The following DLG5 variants were observed in gnomAD, a reference collection of about 807,000 sequenced individuals.
DLG5 encodes disks large homolog 5.
Under a neutral mutation model 189.8 loss-of-function variants are expected in DLG5, and 48 were observed. That is an observed-to-expected ratio of 0.25 (90% confidence interval 0.20 to 0.32). DLG5 has a LOEUF of 0.32. Ranked by LOEUF, DLG5 falls within the 10% of genes least tolerant of loss-of-function variation. The pLI is 1.00. For missense variants in DLG5, 2,160 were observed against 2,544.7 expected, an observed-to-expected ratio of 0.85 and a Z score of 3.25; for synonymous variants, 1,016 against 1,054.1, an observed-to-expected ratio of 0.96 and a Z score of 0.70.
intron 17 of DLG5, 118 bp from the exon 18 acceptor site, chr10:77,818,007 G>T: frequency 1.3e-6 from 1 of 795,668 alleles, no homozygotes; most frequent in Non-Finnish European, 2.0e-6. Flanking sequence ...AGGCCCAGGA[G>T]CCACTGATTA....
At chr10:77,822,210 G>A in intron 14 of DLG5, 109 bp from the exon 15 acceptor site, 4 of 1,261,170 alleles carry the variant, frequency 3.2e-6, no homozygotes, top group Non-Finnish European at 4.4e-6. Context: ...TGGGCCACCT[G>A]CCCCTTAAAA....
At position 77,809,793 on chromosome 10, in the gene DLG5, A is replaced by T. The variant is rs1841670302; in HGVS notation, c.4464-63T>A. On this transcript the variant is annotated intron_variant, in intron 23 of 31. Transcript: ENST00000372391. ...AAGAGGAGGCACAAAAAGACAAAGC[A>T]GTGGCCAATGCCCTAACCGCTTTCT... 3 of 1,550,400 alleles carry T rather than the reference A, an allele frequency of 1.9e-6. No homozygotes were observed. The Admixed American group carries it at 5.5e-5, about 28-fold the overall frequency.
the DLG5 span, among the ~76,000 whole-genome samples, chr10:77,935,654 C>T: frequency 2.0e-5 from 3 of 152,204 alleles, no homozygotes; most frequent in Non-Finnish European, 2.9e-5. Context: ...TGCATGTTAG[C>T]GCATGCGTGT....
the DLG5 span, among the ~76,000 whole-genome samples, chr10:77,939,518 T>G: frequency 2.6e-5 from 4 of 152,170 alleles, no homozygotes; most frequent in Non-Finnish European, 4.4e-5. Flanking sequence ...CTTTTCTCCA[T>G]GTAGCCATTG....
chr10:77,818,496 T>G (rs1568143106), intron 17 of DLG5, among the ~76,000 whole-genome samples: 1 of 152,222 alleles, frequency 6.6e-6, no homozygotes, highest in Non-Finnish European at 1.5e-5. Flanking sequence ...GTTTGTGCCC[T>G]GTGACCTCAA....
chr10:77,830,291 C>T lies in DLG5; in HGVS notation c.1935G>A (p.Glu645=), dbSNP rs1362733190. 10 of 1,614,200 alleles carry T rather than the reference C, an allele frequency of 6.2e-6. No homozygotes were observed. The South Asian group carries it at 7.7e-5, about 12-fold the overall frequency. ...TGCCACAGTCCCCCGGGAAACAAGG[C>T]TCATTCACACCTTCTGCCATATCAA... ...LGFDMAEGVN[E]PCFPGDCGIF... The change falls in exon 11 of 32, where the codon GAG becomes GAA. Residue 645 remains glutamate (E), a synonymous_variant. Coordinates refer to ENST00000372391, the MANE Select transcript of DLG5 (RefSeq NM_004747.4).
rs765630840 is a variant in DLG5 at position 77,853,526 on chromosome 10, C to T, written c.692G>A (p.Ser231Asn). Residue 231 changes from serine (S) to asparagine (N), a missense_variant, in exon 5 of 32, where the codon AGC becomes AAC. Around this residue, in one of 5 missense-constraint regions of DLG5, gnomAD observed 664 missense variants for 838.5 expected, o/e 0.79. Coordinates refer to ENST00000372391, the MANE Select transcript of DLG5 (RefSeq NM_004747.4). ...KETDFYHTLH[S>N]RLLSDQTRLK... Reference sequence around the variant, plus strand: ...CCGAGTCTGGTCACTCAGGAGCCGGCTGTGGAGTGTGCTGAAACACCCGGT... The same window carrying T: ...CCGAGTCTGGTCACTCAGGAGCCGGTTGTGGAGTGTGCTGAAACACCCGGT... 7.6e-5 allele frequency: 122 copies of T among 1,602,674 alleles called. 2 individuals carry two copies. The South Asian group carries it at 1.3e-3, about 18-fold the overall frequency.
chr10:77,809,644 C>T lies in DLG5; in HGVS notation c.4550G>A (p.Cys1517Tyr). ...AAACACCCCATGCAGGTTCCCACCA[C>T]ACAAGTGCACCCCAAGCTCCAGCTG... ...KSQLELGVHLCGGNLHGVFVA... is the reference protein window; with the variant it reads ...KSQLELGVHLYGGNLHGVFVA... The change falls in exon 24 of 32, where the codon TGT becomes TAT. Residue 1517 changes from cysteine to tyrosine, a missense_variant. This residue lies in a region of DLG5 where 574 missense variants were observed against 644.2 expected (regional missense o/e 0.89). Transcript: ENST00000372391. 1 of 1,614,220 alleles carries T rather than the reference C, an allele frequency of 6.2e-7. No individual in the cohort carries two copies. Among genetic ancestry groups the T allele is most frequent in the Non-Finnish European group, 8.5e-7 (1 of 1,180,038 alleles).
In DLG5 at chr10:77,836,796, G is replaced by C. The variant is rs141919111; in HGVS notation, c.1438-874C>G. Among the ~76,000 whole-genome samples the C allele has an allele frequency of 3.3e-5, 5 of 152,106 alleles. No homozygotes were observed. The South Asian group carries it at 6.2e-4, about 19-fold the overall frequency. On this transcript the variant is annotated intron_variant, in intron 7 of 31. Coordinates refer to ENST00000372391, the MANE Select transcript of DLG5 (RefSeq NM_004747.4). Reference sequence around the variant, plus strand: ...GTGGCAGGCTTTCCTCAGACCTCACGGTTTCTGGGGGTCATTCAAATCATT... The same window carrying C: ...GTGGCAGGCTTTCCTCAGACCTCACCGTTTCTGGGGGTCATTCAAATCATT...
At chr10:77,833,832 C>T (rs1020631180) in intron 9 of DLG5, 82 bp downstream of exon 9, 15 of 1,557,670 alleles carry the variant, frequency 9.6e-6, no homozygotes, top group Non-Finnish European at 1.2e-5. Context: ...CCAATGCACT[C>T]AGCATTGCCT....
intron 30 of DLG5, among the ~76,000 whole-genome samples, chr10:77,794,519 C>T (rs1479976434): frequency 6.6e-6 from 1 of 152,204 alleles, no homozygotes; most frequent in Non-Finnish European, 1.5e-5. Context: ...CCACTGGCTC[C>T]CCTGCTCCTA....
Position 77,842,040 on chromosome 10 carries a change from G to A in DLG5, c.1278C>T (p.Asp426=), listed in dbSNP as rs767190778. Reference sequence around the variant, plus strand: ...TGAGCTTGTACTCGCTGTACACAGCGTCCCGCTCCTCCCTGTATTTCTCCG... The same window carrying A: ...TGAGCTTGTACTCGCTGTACACAGCATCCCGCTCCTCCCTGTATTTCTCCG... ...KESEKYREER[D]AVYSEYKLIM... Residue 426 remains aspartate, a synonymous_variant, in exon 7 of 32, where the codon GAC becomes GAT. Coordinates refer to ENST00000372391, the MANE Select transcript of DLG5 (RefSeq NM_004747.4). The A allele has an allele frequency of 1.7e-5, 27 of 1,614,066 alleles. No individual in the cohort carries two copies. The highest frequency in any genetic ancestry group is 8.9e-5 in the East Asian group (4 of 44,902).
At chr10:77,847,559 C>T (rs749941116) in intron 5 of DLG5, among the ~76,000 whole-genome samples, 6 of 152,084 alleles carry the variant, frequency 3.9e-5, no homozygotes, top group African/African-American at 7.2e-5. Flanking sequence ...TGGTTAACTC[C>T]GGAGAATCCA....
rs774645933 is a variant in DLG5 at position 77,821,144 on chromosome 10, T to G, written c.3340A>C (p.Lys1114Gln). ...TTCGGCCGAAAACTGGGAGCAGATT[T>G]TGGCCGGCGACGCTTCTGCCCCAGC... Reference protein sequence around the residue: ...DELGQKRRRPKSAPSFRPKLA... With the variant: ...DELGQKRRRPQSAPSFRPKLA... Residue 1114 changes from lysine to glutamine, a missense_variant, in exon 15 of 32, where the codon AAA becomes CAA. Lys to Gln is a moderately conservative substitution (Grantham distance 53, BLOSUM62 1). Coordinates refer to ENST00000372391, the MANE Select transcript of DLG5 (RefSeq NM_004747.4). The G allele has an allele frequency of 1.2e-6, 2 of 1,613,996 alleles. No homozygotes were observed. The highest frequency in any genetic ancestry group is 2.7e-5 in the African/African-American group (2 of 74,946).
rs1454153327 is a variant in DLG5, at chr10:77,812,358, G to A, written c.4045C>T (p.Arg1349Cys). 2.5e-6 allele frequency: 4 copies of A among 1,613,062 alleles called. No homozygotes were observed. The highest frequency in any genetic ancestry group is 2.2e-5 in the East Asian group (1 of 44,822). Residue 1349 changes from arginine to cysteine, a missense_variant, in exon 21 of 32, where the codon CGC (arginine) becomes TGC (cysteine). Arg to Cys is a radical substitution (Grantham distance 180). Transcript: ENST00000372391. ...GAGCCCTTCTGCACCTTCACGTGGC[G>A]TGGCTCCTCCACATAAGGCCTAAGG... ...RKDRPYVEEPRHVKVQKGSEP... is the reference protein window; with the variant it reads ...RKDRPYVEEPCHVKVQKGSEP...
intron 1 of DLG5, among the ~76,000 whole-genome samples, chr10:77,886,738 T>C (rs1277207557): frequency 6.6e-6 from 1 of 152,170 alleles, no homozygotes; most frequent in Non-Finnish European, 1.5e-5. Flanking sequence ...TTCCTCAAAA[T>C]ATGACTGTAT....
chr10:77,821,446 G>A lies in DLG5; in HGVS notation c.3038C>T (p.Pro1013Leu), dbSNP rs1473856253. Residue 1013 changes from proline (P) to leucine (L), a missense_variant, in exon 15 of 32, where the codon CCA becomes CTA. By Grantham distance (98) the Pro-to-Leu change is moderately conservative. Transcript: ENST00000372391. ...GGAGTCGCTCCTTCTGGGAGGTTTTGGGGGTGTCAGAGGCCCCGCCCTCTT... is the reference window on the plus strand; with the variant it reads ...GGAGTCGCTCCTTCTGGGAGGTTTTAGGGGTGTCAGAGGCCCCGCCCTCTT... ...PSKRAGPLTP[P>L]KPPRRSDSIK... 6.2e-7 allele frequency: 1 copy of A among 1,612,416 alleles called. No individual in the cohort carries two copies. The highest frequency in any genetic ancestry group is 8.5e-7 in the Non-Finnish European group (1 of 1,179,850).
At chr10:77,939,493 C>A in the DLG5 span, among the ~76,000 whole-genome samples, 2 of 152,196 alleles carry the variant, frequency 1.3e-5, no homozygotes, top group Non-Finnish European at 2.9e-5. Flanking sequence ...TTCACCCACA[C>A]CTCTATTGTT....
At chr10:77,822,442 G>A (rs888690893) in intron 14 of DLG5, among the ~76,000 whole-genome samples, 19 of 152,114 alleles carry the variant, frequency 1.2e-4, no homozygotes, top group Admixed American at 3.9e-4. Context: ...TCAGGAGTTC[G>A]AGACCAGCCT....
Sources: allele counts gnomAD v4.1 joint callset (sites outside exome capture counted in the v4.1 genomes callset), GRCh38; gene constraint gnomAD v4.1.1; regional missense constraint gnomAD v4.1.1; transcripts MANE v1.5; gene names NCBI Gene and HGNC (gene_info 2026-07-23, HGNC 2026-07-21).